ERGIC1: variants seen among roughly 807,000 people sequenced by gnomAD.
ERGIC1 encodes the protein endoplasmic reticulum-golgi intermediate compartment 1, also known as endoplasmic reticulum-Golgi intermediate compartment protein 1.
ERGIC1 carries 19 observed loss-of-function variants against 38.3 expected under a neutral mutation model. The ratio of observed to expected loss-of-function variants is 0.50; its 90% CI spans 0.35 to 0.73. ERGIC1 has a LOEUF of 0.73. Among genes scored for constraint, ERGIC1 ranks in the 30% least tolerant of loss-of-function variants. ERGIC1 has a pLI of 0.01. For synonymous variants in ERGIC1, 124 were observed against 157.6 expected (o/e 0.79, Z 1.60); for missense variants, 294 against 389.2 (o/e 0.76, Z 2.06).
intron 1 of ERGIC1, among the ~76,000 whole-genome samples, chr5:172,877,569 C>A (rs1474126068): frequency 1.3e-5 from 2 of 150,200 alleles, no homozygotes. Context: ...AAGCACCACC[C>A]CCCTGACACA....
intron 1 of ERGIC1, among the ~76,000 whole-genome samples, chr5:172,847,203 G>A (rs140430950): frequency 6.6e-6 from 1 of 152,214 alleles, no homozygotes; most frequent in Non-Finnish European, 1.5e-5. Flanking sequence ...TCCTTGGCCT[G>A]GCAGTGGTGG....
At chr5:172,876,589 G>C (rs550288119) in intron 1 of ERGIC1, among the ~76,000 whole-genome samples, 1 of 152,236 alleles carries the variant, frequency 6.6e-6, no homozygotes, top group South Asian at 2.1e-4. Context: ...CAGCTTTATT[G>C]AGGTATAATC....
intron 3 of ERGIC1, among the ~76,000 whole-genome samples, chr5:172,908,304 G>GT (rs1763090815): frequency 3.9e-4 from 1 of 2,576 alleles, no homozygotes; most frequent in Non-Finnish European, 2.8e-3. Context: ...CTGAGGCGGG[G>GT]GCGGGGGGGG....
In ERGIC1 at chr5:172,935,274, A is replaced by G. The variant is rs756843543; in HGVS notation, c.729A>G (p.Thr243=). ...YDLSPITVKY[T]ERRQPLYRFI... ...TCAGCCCCATCACGGTCAAGTACAC[A>G]GAGAGACGGCAGCCGCTGTACAGAT... is the stretch of plus-strand genomic sequence containing the variant. The change falls in exon 9 of 10, where the codon ACA becomes ACG. Residue 243 remains threonine (T), a synonymous_variant. Transcript: ENST00000393784. The G allele has an allele frequency of 6.2e-7, 1 of 1,614,122 alleles. No homozygotes were observed. The highest frequency in any genetic ancestry group is 2.2e-5 in the East Asian group (1 of 44,876).
intron 1 of ERGIC1, among the ~76,000 whole-genome samples, chr5:172,856,943 A>G (rs890065363): frequency 1.3e-5 from 2 of 152,202 alleles, no homozygotes; most frequent in African/African-American, 4.8e-5. Context: ...CCTGAAGCAT[A>G]CTGCAGGCCT....
At chr5:172,940,903 C>G (rs114983557) in intron 9 of ERGIC1, among the ~76,000 whole-genome samples, 2,182 of 152,340 alleles carry the variant, frequency 0.014, 64 homozygotes, top group African/African-American at 0.05. Context: ...GTCTGACTTA[C>G]CTGTGTCCCC....
rs70984920 is a variant in ERGIC1, at chr5:172,909,168, C to CTTTTTTT, written c.156-487_156-481dup. ...CTTTCCTGAGCCCCAGCCCTCCCCTCTTTTTTTTTTTTTTTTTTGAGACGG... is the reference window on the plus strand; with the variant it reads ...CTTTCCTGAGCCCCAGCCCTCCCCTCTTTTTTTTTTTTTTTTTTTTTTTTTGAGACGG... On this transcript the variant is annotated intron_variant, in intron 3 of 9. Transcript: ENST00000393784. Among the ~76,000 whole-genome samples, 214 of 80,844 alleles carry CTTTTTTT rather than the reference C, an allele frequency of 2.6e-3. 13 individuals carry two copies. The highest frequency in any genetic ancestry group is 9.3e-3 in the African/African-American group (199 of 21,390). The allele number at this position is 80,844 out of a possible 152,430, so 53.0% of individuals were successfully genotyped here. A position where few individuals can be genotyped will look rare whatever the true frequency, so the allele number is the denominator to read the frequency against.
intron 1 of ERGIC1, among the ~76,000 whole-genome samples, chr5:172,845,071 C>G (rs1286865452): frequency 6.6e-6 from 1 of 152,030 alleles, no homozygotes; most frequent in African/African-American, 2.4e-5. Flanking sequence ...GCCGAGGTCA[C>G]ACAAACAGCA....
intron 2 of ERGIC1, among the ~76,000 whole-genome samples, chr5:172,891,572 T>C (rs1322111404): frequency 6.6e-6 from 1 of 151,984 alleles, no homozygotes; most frequent in African/African-American, 2.4e-5. Context: ...CCCGAGTAGC[T>C]GGGACTACGG....
In ERGIC1 at chr5:172,893,868, GAT is replaced by G. The variant is rs1191189327; in HGVS notation, c.83-3097_83-3096del. On this transcript the variant is annotated intron_variant, in intron 2 of 9. Coordinates refer to ENST00000393784, the MANE Select transcript of ERGIC1 (RefSeq NM_001031711.3). ...CATTACGCTGCTGTTCACTTAGGGG[GAT>G]ATATATATATATATATATATATATA... Among the ~76,000 whole-genome samples the G allele has an allele frequency of 8.4e-3, 236 of 28,196 alleles. 4 individuals are homozygous for G. The highest frequency in any genetic ancestry group is 0.011 in the Non-Finnish European group (117 of 10,580). The allele number at this position is 28,196 out of a possible 152,430, so 18.5% of individuals were successfully genotyped here.
Position 172,897,039 on chromosome 5 carries a change from C to T in ERGIC1, c.120C>T (p.Phe40=). 1 of 1,614,188 alleles carries T rather than the reference C, an allele frequency of 6.2e-7. No homozygotes were observed. Among genetic ancestry groups the T allele is most frequent in the Non-Finnish European group, 8.5e-7 (1 of 1,180,012 alleles). ...GCTGCCTCTTCATCCTCTTCCTCTT[C>T]CTCTCGGAGCTCACCGGATTTATAA... ...ICCCLFILFL[F]LSELTGFITT... is the part of the protein sequence containing the mutation. Residue 40 remains phenylalanine (F), a synonymous_variant, in exon 3 of 10, where the codon TTC becomes TTT. Transcript: ENST00000393784.
chr5:172,904,380 C>T (rs749174777), intron 3 of ERGIC1, among the ~76,000 whole-genome samples: 29 of 152,272 alleles, frequency 1.9e-4, no homozygotes, highest in Non-Finnish European at 3.2e-4. Flanking sequence ...TGCTGATTTT[C>T]GAACCGATTG....
intron 1 of ERGIC1, among the ~76,000 whole-genome samples, chr5:172,883,640 T>A (rs1436002984): frequency 1.3e-5 from 2 of 152,128 alleles, no homozygotes; most frequent in African/African-American, 2.4e-5. Flanking sequence ...AGGCACAGGG[T>A]GCCGATGTGT....
At chr5:172,881,051 C>T (rs1010155928) in intron 1 of ERGIC1, among the ~76,000 whole-genome samples, 2 of 152,110 alleles carry the variant, frequency 1.3e-5, no homozygotes, top group African/African-American at 2.4e-5. Context: ...GAGTTCGAGA[C>T]CAGCCTGACC....
intron 5 of ERGIC1, among the ~76,000 whole-genome samples, chr5:172,918,699 T>G (rs1763436087): frequency 6.6e-6 from 1 of 152,174 alleles, no homozygotes; most frequent in African/African-American, 2.4e-5. Context: ...GCCACGTCCT[T>G]ACGAAGCAAT....
chr5:172,836,673 C>G (rs1363134334), intron 1 of ERGIC1, among the ~76,000 whole-genome samples: 1 of 152,166 alleles, frequency 6.6e-6, no homozygotes, highest in South Asian at 2.1e-4. Flanking sequence ...ATGCTCAGCC[C>G]TCTGCCACAG....
intron 1 of ERGIC1, among the ~76,000 whole-genome samples, chr5:172,881,560 G>A (rs1048560952): frequency 1.3e-5 from 2 of 152,244 alleles, no homozygotes; most frequent in Admixed American, 6.5e-5. Context: ...ATTATAATCC[G>A]TCCTTTAGCT....
rs1442815812 is a variant in ERGIC1, at chr5:172,952,486, CAT to C, written c.*1671_*1672del. ...TGGGGATGGAAATGTGTGGCATGCA[CAT>C]GAGTTGAAATTCTTTTATGCATTTT... On this transcript the variant is annotated 3_prime_UTR_variant, in exon 10 of 10. Coordinates refer to ENST00000393784, the MANE Select transcript of ERGIC1 (RefSeq NM_001031711.3). The C allele has an allele frequency of 7.6e-5, 10 of 131,314 alleles. No individual in the cohort carries two copies. Among genetic ancestry groups the C allele is most frequent in the Non-Finnish European group, 1.3e-4 (8 of 63,620 alleles). 8.1% of individuals were successfully genotyped at this position (131,314 alleles called of 1,614,324 possible).
chr5:172,855,918 C>T (rs1026911628), intron 1 of ERGIC1, among the ~76,000 whole-genome samples: 4 of 152,214 alleles, frequency 2.6e-5, no homozygotes, highest in African/African-American at 9.7e-5. Flanking sequence ...GCTCCTGTGG[C>T]GTCCAGTCTT....
Sources: allele counts gnomAD v4.1 joint callset (sites outside exome capture counted in the v4.1 genomes callset), GRCh38; gene constraint gnomAD v4.1.1; transcripts MANE v1.5; gene names NCBI Gene and HGNC (gene_info 2026-07-23, HGNC 2026-07-21).